The following NRG1 variants were observed in gnomAD, a reference collection of about 807,000 sequenced individuals.
The protein encoded by NRG1 is pro-neuregulin-1, membrane-bound isoform.
A neutral mutation model predicts 63.8 loss-of-function variants in NRG1; 18 were observed. The ratio of observed to expected loss-of-function variants is 0.28; its 90% CI spans 0.19 to 0.42. NRG1 has a LOEUF of 0.42. NRG1 is among the 10% of genes least tolerant of loss of function. NRG1 has a pLI of 1.00. For synonymous variants in NRG1, 302 were observed against 301.3 expected, an observed-to-expected ratio of 1.00 and a Z score of -0.02; for missense variants, 762 against 814.7, an observed-to-expected ratio of 0.94 and a Z score of 0.79.
chr8:31,683,701 A>G (rs888664524), intron 1 of NRG1, among the ~76,000 whole-genome samples: 1 of 152,122 alleles, frequency 6.6e-6, no homozygotes, highest in African/African-American at 2.4e-5. Flanking sequence ...ACTTTGGGTG[A>G]TAATAATGCT....
chr8:32,298,856 G>A (rs1363634434), intron 1 of NRG1, among the ~76,000 whole-genome samples: 4 of 150,814 alleles, frequency 2.7e-5, no homozygotes, highest in East Asian at 2.0e-4. Flanking sequence ...GTGAAACCCC[G>A]TCTCTACTAA....
At chr8:32,391,224 G>A (rs1277745542) in intron 1 of NRG1, among the ~76,000 whole-genome samples, 1 of 151,904 alleles carries the variant, frequency 6.6e-6, no homozygotes, top group African/African-American at 2.4e-5. Flanking sequence ...TCTACCTCCT[G>A]GGCTCAAGTA....
At chr8:32,501,859 G>A (rs915530016) in intron 1 of NRG1, among the ~76,000 whole-genome samples, 1 of 152,148 alleles carries the variant, frequency 6.6e-6, no homozygotes, top group South Asian at 2.1e-4. Flanking sequence ...CGGTATAGTG[G>A]CTGAGGCCTG....
chr8:32,628,047 A>T (rs1020935422), intron 5 of NRG1, among the ~76,000 whole-genome samples: 11 of 152,228 alleles, frequency 7.2e-5, no homozygotes, highest in African/African-American at 2.4e-4. Flanking sequence ...TCTTTCACAA[A>T]TAATGTAGCT....
chr8:32,315,827 A>C lies in NRG1; in HGVS notation c.38-280001A>C, dbSNP rs181100524. On this transcript the variant is annotated intron_variant, in intron 1 of 10. Coordinates refer to the NRG1 transcript ENST00000519301. ...GGACCTGATATGAACATCACAGAGG[A>C]AAAAAACACATACGAAACAATTAAT... Among the ~76,000 whole-genome samples, 263 of 152,332 alleles carry C rather than the reference A, an allele frequency of 1.7e-3. 1 individual carries two copies. The highest frequency in any genetic ancestry group is 4.6e-3 in the Admixed American group (70 of 15,296).
rs538999068 is a variant in NRG1 at position 32,516,122 on chromosome 8, A to G, written c.38-79706A>G. Among the ~76,000 whole-genome samples, 12 of 152,306 alleles carry G rather than the reference A, an allele frequency of 7.9e-5. No individual in the cohort carries two copies. In the South Asian group the frequency reaches 1.4e-3, roughly 18 times the overall value. On this transcript the variant is annotated intron_variant, in intron 1 of 10. Transcript: ENST00000519301. ...CAGCAGTCCAATTTTTCTTCTGCAT[A>G]TGGCTAGCTAATTATCCCAATACCA...
intron 1 of NRG1, among the ~76,000 whole-genome samples, chr8:32,089,353 A>G (rs1828756799): frequency 1.3e-5 from 2 of 152,256 alleles, no homozygotes; most frequent in Admixed American, 6.5e-5. Flanking sequence ...AACAGAAACA[A>G]TATGTTTAAC....
chr8:31,871,568 C>CCATA (rs1829489250), intron 1 of NRG1, among the ~76,000 whole-genome samples: 1 of 151,940 alleles, frequency 6.6e-6, no homozygotes, highest in African/African-American at 2.4e-5. Context: ...CAGAGTCTGC[C>CCATA]CATAGGCCAT....
intron 1 of NRG1, among the ~76,000 whole-genome samples, chr8:31,897,180 G>T (rs1429553066): frequency 6.6e-6 from 1 of 152,080 alleles, no homozygotes; most frequent in East Asian, 1.9e-4. Context: ...TCTCAACCAA[G>T]GGCATTCCAA....
At chr8:32,383,736 C>T (rs868213548) in intron 1 of NRG1, among the ~76,000 whole-genome samples, 11 of 152,280 alleles carry the variant, frequency 7.2e-5, no homozygotes, top group Admixed American at 1.3e-4. Flanking sequence ...GTCCGTCATG[C>T]GGTATCAGTC....
chr8:32,088,426 A>G (rs532273065), intron 1 of NRG1, among the ~76,000 whole-genome samples: 57 of 152,146 alleles, frequency 3.7e-4, no homozygotes, highest in Non-Finnish European at 7.1e-4. Flanking sequence ...AAAGTTGTCC[A>G]TCATAGTTAA....
chr8:32,329,668 G>C (rs552748560), intron 1 of NRG1, among the ~76,000 whole-genome samples: 1 of 152,040 alleles, frequency 6.6e-6, no homozygotes, highest in African/African-American at 2.4e-5. Context: ...GCTCTTGCTC[G>C]TATTAGCTGC....
intron 1 of NRG1, among the ~76,000 whole-genome samples, chr8:32,077,279 A>G (rs1322566369): frequency 2.6e-5 from 4 of 152,186 alleles, no homozygotes; most frequent in Non-Finnish European, 5.9e-5. Context: ...AGGCAGGAGA[A>G]TCGCTGGAAC....
In NRG1 at chr8:31,709,205, A is replaced by AT. The variant is rs373969578; in HGVS notation, c.37+69785dup. 8.3e-4 allele frequency among the ~76,000 whole-genome samples: 119 copies of AT among 143,314 alleles called. 1 individual carries two copies. In the East Asian group the frequency reaches 8.5e-3, roughly 10 times the overall value. 94.0% of individuals were successfully genotyped at this position (143,314 alleles called of 152,430 possible). A position where few individuals can be genotyped will look rare whatever the true frequency, so the allele number is the denominator to read the frequency against. On this transcript the variant is annotated intron_variant, in intron 1 of 10. Coordinates refer to the NRG1 transcript ENST00000519301. ...TGATTTATTTTTTTTTAATCAAGTG[A>AT]TTTTTTTTTTTGGTCAAAAACCTTT...
chr8:32,725,944 T>C (rs1274676671), intron 5 of NRG1, among the ~76,000 whole-genome samples: 1 of 152,172 alleles, frequency 6.6e-6, no homozygotes, highest in Non-Finnish European at 1.5e-5. Flanking sequence ...CAAATCATGT[T>C]TCCCCTCTTC....
chr8:31,786,343 A>G (rs1820168268), intron 1 of NRG1, among the ~76,000 whole-genome samples: 1 of 152,214 alleles, frequency 6.6e-6, no homozygotes, highest in Non-Finnish European at 1.5e-5. Context: ...ATTTAACAGT[A>G]GTCAACACAG....
intron 1 of NRG1, among the ~76,000 whole-genome samples, chr8:32,224,088 G>T (rs1017514572): frequency 1.3e-5 from 2 of 152,092 alleles, no homozygotes; most frequent in African/African-American, 4.8e-5. Context: ...TAAAATTAAG[G>T]TTCAGAATTC....
intron 1 of NRG1, among the ~76,000 whole-genome samples, chr8:32,358,332 G>C (rs1487805377): frequency 9.0e-6 from 1 of 110,610 alleles, no homozygotes; most frequent in Non-Finnish European, 1.8e-5. Flanking sequence ...GACCATTGCA[G>C]ACAAAAATAA....
intron 1 of NRG1, among the ~76,000 whole-genome samples, chr8:31,718,820 A>G (rs2131295845): frequency 6.6e-6 from 1 of 152,296 alleles, no homozygotes; most frequent in Admixed American, 6.5e-5. Context: ...TTTTTCTTAG[A>G]TATATATGTG....
Sources: gnomAD v4.1 joint callset for allele counts (sites outside exome capture counted in the v4.1 genomes callset) on GRCh38, gnomAD v4.1.1 for gene constraint, MANE v1.5 for transcripts, NCBI Gene and HGNC (gene_info 2026-07-23, HGNC 2026-07-21) for gene names.